GHR: variants seen among roughly 807,000 people sequenced by gnomAD.
GHR encodes the protein growth hormone receptor, also known as GH receptor.
A neutral mutation model predicts 67.1 loss-of-function variants in GHR; 35 were observed. That is an observed-to-expected ratio of 0.52 (90% confidence interval 0.40 to 0.69). The LOEUF (loss-of-function observed/expected upper bound fraction) is 0.69, where lower values mean the gene tolerates loss of function less well. GHR is among the 30% of genes least tolerant of loss of function. The pLI is 0.00. For synonymous variants in GHR, 272 were observed against 269.1 expected, an observed-to-expected ratio of 1.01 and a Z score of -0.10; for missense variants, 792 against 764.6, an observed-to-expected ratio of 1.04 and a Z score of -0.42.
chr5:42,578,388 G>A (rs1750883680), intron 2 of GHR, among the ~76,000 whole-genome samples: 1 of 152,072 alleles, frequency 6.6e-6, no homozygotes, highest in Admixed American at 6.6e-5. Flanking sequence ...CTTTTCATTT[G>A]TTACTCATCT....
intron 3 of GHR, among the ~76,000 whole-genome samples, chr5:42,641,245 G>A (rs972426289): frequency 4.0e-5 from 6 of 151,898 alleles, no homozygotes; most frequent in Admixed American, 3.9e-4. Context: ...CCCCTTACTG[G>A]ACTAAACTCA....
chr5:42,452,513 T>G lies in GHR; in HGVS notation c.-12+28558T>G, dbSNP rs148098850. 3.8e-3 allele frequency among the ~76,000 whole-genome samples: 583 copies of G among 152,340 alleles called. 4 individuals carry two copies. Among genetic ancestry groups the G allele is most frequent in the African/African-American group, 0.014 (566 of 41,598 alleles). On this transcript the variant is annotated intron_variant, in intron 1 of 9. Transcript: ENST00000230882. ...AGTTTTTCTAATTTTTAGATTTCAC[T>G]TCTTCCTCAGGAACACCATTTATTC...
At chr5:42,586,053 T>C (rs965648649) in intron 2 of GHR, among the ~76,000 whole-genome samples, 9 of 152,178 alleles carry the variant, frequency 5.9e-5, no homozygotes, top group Admixed American at 3.3e-4. Context: ...TTAATACATA[T>C]AAAGAAAGTC....
chr5:42,449,027 G>T (rs1743938191), intron 1 of GHR, among the ~76,000 whole-genome samples: 1 of 152,124 alleles, frequency 6.6e-6, no homozygotes, highest in Non-Finnish European at 1.5e-5. Context: ...TGCTGTTTTG[G>T]TGAATATGGC....
intron 1 of GHR, chr5:42,468,413 CT>C: frequency 6.3e-6 from 7 of 1,107,232 alleles, no homozygotes; most frequent in Non-Finnish European, 9.0e-6. Flanking sequence ...AAAGCTTCTT[CT>C]TGAGTTTCCT....
chr5:42,482,025 G>T (rs1028169563), intron 1 of GHR, among the ~76,000 whole-genome samples: 1 of 151,914 alleles, frequency 6.6e-6, no homozygotes, highest in Admixed American at 6.6e-5. Flanking sequence ...TCTACCTTTG[G>T]TCTTTGATGA....
chr5:42,468,323 T>A (rs1171233610), intron 1 of GHR: 1 of 1,564,612 alleles, frequency 6.4e-7, no homozygotes. Flanking sequence ...TCTGCAGTCA[T>A]CTTCTCTGCT....
chr5:42,641,596 C>G (rs1754479961), intron 3 of GHR, among the ~76,000 whole-genome samples: 2 of 152,162 alleles, frequency 1.3e-5, no homozygotes, highest in East Asian at 1.9e-4. Context: ...ATTTCCCACA[C>G]TATCTCATCC....
chr5:42,707,758 TA>T lies in GHR; in HGVS notation c.619-3443del, dbSNP rs538067474. Among the ~76,000 whole-genome samples, 10 of 152,068 alleles carry T rather than the reference TA, an allele frequency of 6.6e-5. No individual in the cohort carries two copies. In the South Asian group the frequency reaches 1.9e-3, roughly 28 times the overall value. On this transcript the variant is annotated intron_variant, in intron 6 of 9. Transcript: ENST00000230882. ...CTGATAACAATTTAAGTTTCTTGCA[TA>T]AAAAACTCTACACTTTTACTCCACA...
chr5:42,665,053 T>C (rs1372475247), intron 3 of GHR, among the ~76,000 whole-genome samples: 1 of 152,210 alleles, frequency 6.6e-6, no homozygotes, highest in Non-Finnish European at 1.5e-5. Context: ...AGATACCATC[T>C]CACACCAGTT....
chr5:42,623,911 T>G (rs1753575854), intron 2 of GHR, among the ~76,000 whole-genome samples: 1 of 152,202 alleles, frequency 6.6e-6, no homozygotes, highest in Non-Finnish European at 1.5e-5. Context: ...TTTACTTGTT[T>G]TTCCCTTACT....
intron 3 of GHR, among the ~76,000 whole-genome samples, chr5:42,661,671 C>T (rs888290949): frequency 3.3e-5 from 5 of 151,320 alleles, no homozygotes; most frequent in African/African-American, 7.3e-5. Flanking sequence ...TAAAGACCAT[C>T]AAGGCTAGGA....
intron 4 of GHR, among the ~76,000 whole-genome samples, chr5:42,693,382 G>T (rs749945257): frequency 6.6e-6 from 1 of 151,700 alleles, no homozygotes; most frequent in Non-Finnish European, 1.5e-5. Context: ...CCCATGATCC[G>T]CCTGCCTCAG....
chr5:42,432,023 T>G, intron 1 of GHR, among the ~76,000 whole-genome samples: 1 of 152,222 alleles, frequency 6.6e-6, no homozygotes, highest in East Asian at 1.9e-4. Context: ...GGTACTTTTA[T>G]GTACTTATCC....
At chr5:42,657,274 A>G (rs1755303924) in intron 3 of GHR, among the ~76,000 whole-genome samples, 1 of 152,134 alleles carries the variant, frequency 6.6e-6, no homozygotes, top group South Asian at 2.1e-4. Flanking sequence ...CATTTTCTTC[A>G]TATCTAAAAT....
intron 2 of GHR, among the ~76,000 whole-genome samples, chr5:42,575,637 G>A (rs1750615524): frequency 1.3e-5 from 2 of 151,696 alleles, no homozygotes. Context: ...AGTTGTCCAA[G>A]TGCAGGTAAA....
chr5:42,439,938 T>C (rs905230805), intron 1 of GHR, among the ~76,000 whole-genome samples: 29 of 152,178 alleles, frequency 1.9e-4, no homozygotes, highest in Non-Finnish European at 7.4e-5. Context: ...TCTCAAAACA[T>C]TTTTTATATT....
chr5:42,622,818 C>T (rs1198489413), intron 2 of GHR, among the ~76,000 whole-genome samples: 1 of 152,170 alleles, frequency 6.6e-6, no homozygotes, highest in Non-Finnish European at 1.5e-5. Flanking sequence ...CATTTAGTCT[C>T]AGGATGAATC....
intron 1 of GHR, among the ~76,000 whole-genome samples, chr5:42,459,383 G>T (rs928958836): frequency 2.0e-5 from 3 of 152,138 alleles, no homozygotes; most frequent in Admixed American, 6.5e-5. Context: ...GAAGCTGGAG[G>T]CCATTATCCT....
Sources: allele counts gnomAD v4.1 joint callset (sites outside exome capture counted in the v4.1 genomes callset), GRCh38; gene constraint gnomAD v4.1.1; transcripts MANE v1.5; gene names NCBI Gene and HGNC (gene_info 2026-07-23, HGNC 2026-07-21).